The following SLC4A4 variants were observed in gnomAD, a reference collection of about 807,000 sequenced individuals.
SLC4A4 encodes electrogenic sodium bicarbonate cotransporter 1.
A neutral mutation model predicts 111.5 loss-of-function variants in SLC4A4; 27 were observed. The observed-to-expected ratio is 0.24, with a 90% CI of 0.18 to 0.33. The LOEUF (loss-of-function observed/expected upper bound fraction) is 0.33, where lower values mean the gene tolerates loss of function less well. Ranked by LOEUF, SLC4A4 falls within the 10% of genes least tolerant of loss-of-function variation. The pLI is 1.00. For missense variants in SLC4A4, 909 were observed against 1,315.5 expected, an observed-to-expected ratio of 0.69 and a Z score of 4.78; for synonymous variants, 443 against 463.4, an observed-to-expected ratio of 0.96 and a Z score of 0.57.
chr4:71,207,030 A>T (rs1167727076), intron 1 of SLC4A4, among the ~76,000 whole-genome samples: 1 of 152,126 alleles, frequency 6.6e-6, no homozygotes, highest in African/African-American at 2.4e-5. Flanking sequence ...AATAAGCATA[A>T]TGGTACTAGT....
chr4:71,333,124 T>G (rs769464570), intron 3 of SLC4A4, among the ~76,000 whole-genome samples: 1 of 152,252 alleles, frequency 6.6e-6, no homozygotes, highest in Non-Finnish European at 1.5e-5. Context: ...TTTATTGTAG[T>G]CTTTACAGTC....
intron 14 of SLC4A4, among the ~76,000 whole-genome samples, chr4:71,474,409 A>G (rs879428953): frequency 1.3e-5 from 2 of 151,946 alleles, no homozygotes; most frequent in Non-Finnish European, 2.9e-5. Flanking sequence ...TATAGACTAG[A>G]ATGCAGAATG....
At chr4:71,108,643 G>A (rs1425868097) in intron 2 of SLC4A4, among the ~76,000 whole-genome samples, 1 of 152,150 alleles carries the variant, frequency 6.6e-6, no homozygotes, top group Non-Finnish European at 1.5e-5. Context: ...CCTAGTTGGA[G>A]TTTGTTGAGC....
chr4:71,546,261 C>T, intron 18 of SLC4A4, 89 bp from the exon 19 acceptor site: 1 of 1,168,218 alleles, frequency 8.6e-7, no homozygotes, highest in Non-Finnish European at 1.3e-6. Flanking sequence ...AGTCAGTTTC[C>T]TTTGGTCATC....
At chr4:71,113,101 A>C (rs1423643944) in intron 2 of SLC4A4, among the ~76,000 whole-genome samples, 1 of 152,198 alleles carries the variant, frequency 6.6e-6, no homozygotes, top group Admixed American at 6.5e-5. Flanking sequence ...CAATGTGTAC[A>C]TTTTGAGCTT....
intron 3 of SLC4A4, among the ~76,000 whole-genome samples, chr4:71,257,248 A>G (rs1290347429): frequency 6.6e-6 from 1 of 152,196 alleles, no homozygotes; most frequent in Non-Finnish European, 1.5e-5. Context: ...ATTATGTTGT[A>G]TACTGGTTTT....
chr4:71,516,171 C>T (rs1220383803), intron 16 of SLC4A4, among the ~76,000 whole-genome samples: 2 of 128,228 alleles, frequency 1.6e-5, no homozygotes, highest in East Asian at 5.1e-4. Flanking sequence ...TCTTGGCTCA[C>T]TGCAAGCTCT....
chr4:71,553,877 A>T (rs1393296228), intron 20 of SLC4A4, among the ~76,000 whole-genome samples: 1 of 151,810 alleles, frequency 6.6e-6, no homozygotes, highest in Non-Finnish European at 1.5e-5. Context: ...TCAACATTCT[A>T]TGTCACTTTT....
chr4:71,160,239 C>T (rs529302971), intron 2 of SLC4A4, among the ~76,000 whole-genome samples: 1 of 152,260 alleles, frequency 6.6e-6, no homozygotes, highest in Admixed American at 6.5e-5. Context: ...TGACCCAATA[C>T]TCTCTCTTCC....
intron 4 of SLC4A4, among the ~76,000 whole-genome samples, chr4:71,345,203 T>A (rs1190190894): frequency 6.6e-6 from 1 of 152,126 alleles, no homozygotes; most frequent in Non-Finnish European, 1.5e-5. Context: ...CCATTAAGAA[T>A]GTCTAGGTGA....
rs1250284297 is a variant in SLC4A4, at chr4:71,397,564, T to C, written c.731-13T>C. The C allele has an allele frequency of 1.9e-6, 3 of 1,611,578 alleles. No homozygotes were observed. In the South Asian group the frequency reaches 3.3e-5, roughly 18 times the overall value. On this transcript the variant is annotated splice_polypyrimidine_tract_variant and intron_variant, in intron 6 of 25. Coordinates refer to ENST00000264485, the MANE Select transcript of SLC4A4 (RefSeq NM_001098484.3). ...AAGAAGTCTTTAATTAGAGTTTACTTGTGTTTTTCCAGGTAGCCCAGCCAT... is the reference window on the plus strand; with the variant it reads ...AAGAAGTCTTTAATTAGAGTTTACTCGTGTTTTTCCAGGTAGCCCAGCCAT...
rs1041012488 is a variant in SLC4A4, at chr4:71,384,271, C to T, written c.731-13306C>T. ...CAAGTGCACAATGGGACAGGTTGTA[C>T]CCTACCTCTCTTCTTTCTCAGACTT... is the stretch of plus-strand genomic sequence containing the variant. On this transcript the variant is annotated intron_variant, in intron 6 of 25. Coordinates refer to ENST00000264485, the MANE Select transcript of SLC4A4 (RefSeq NM_001098484.3). Among the ~76,000 whole-genome samples the T allele has an allele frequency of 2.6e-5, 4 of 152,266 alleles. No homozygotes were observed. In the East Asian group the frequency reaches 7.7e-4, roughly 29 times the overall value.
intron 1 of SLC4A4, among the ~76,000 whole-genome samples, chr4:71,214,564 G>C (rs1243916979): frequency 3.9e-5 from 6 of 152,034 alleles, no homozygotes; most frequent in Non-Finnish European, 8.8e-5. Context: ...TTACTCTTGC[G>C]GGCTTTTGAT....
chr4:71,249,307 C>A (rs575303339), intron 2 of SLC4A4, among the ~76,000 whole-genome samples: 1 of 152,126 alleles, frequency 6.6e-6, no homozygotes, highest in East Asian at 1.9e-4. Flanking sequence ...ATATGTAATA[C>A]GTAATTATCT....
chr4:71,427,738 A>G (rs1043369442), intron 7 of SLC4A4, among the ~76,000 whole-genome samples: 2 of 152,134 alleles, frequency 1.3e-5, no homozygotes, highest in Non-Finnish European at 2.9e-5. Context: ...TCACCTTAAT[A>G]TTCAGCCTGG....
intron 2 of SLC4A4, among the ~76,000 whole-genome samples, chr4:71,097,522 T>C (rs1378982953): frequency 2.0e-5 from 3 of 152,216 alleles, no homozygotes; most frequent in Non-Finnish European, 4.4e-5. Flanking sequence ...TAATTTATAT[T>C]TCTCTGGGTA....
chr4:71,420,969 C>A (rs369626594), intron 7 of SLC4A4, among the ~76,000 whole-genome samples: 18,911 of 134,176 alleles, frequency 0.14, 1,405 homozygotes, highest in South Asian at 0.31. Context: ...TGACAGGATC[C>A]AATTCACACA....
chr4:71,534,362 G>A lies in SLC4A4; in HGVS notation c.2416G>A (p.Val806Ile), dbSNP rs1406439034. Residue 806 changes from valine (V) to isoleucine (I), a missense_variant, in exon 18 of 26, where the codon GTA becomes ATA. Val to Ile is a conservative substitution (Grantham distance 29, BLOSUM62 3). Transcript: ENST00000264485. ...GGACCAACAAATTACAGCTGTGATT[G>A]TAAACAGGAAAGAACATAAACTCAA... ...FMDQQITAVI[V>I]NRKEHKLKKG... is the part of the protein sequence containing the mutation. 1.3e-5 allele frequency: 21 copies of A among 1,613,396 alleles called. No homozygotes were observed. The highest frequency in any genetic ancestry group is 1.8e-5 in the Non-Finnish European group (21 of 1,179,646).
rs1477411638 is a variant in SLC4A4, at chr4:71,447,790, G to T, written c.1053+57G>T. The stretch of plus-strand genomic sequence containing the variant: ...TGTCCTACTTGTTTGTTGTCATACT[G>T]TGAATTGGCTGTCACAATTTATTCA... On this transcript the variant is annotated intron_variant, in intron 9 of 25. Transcript: ENST00000264485. The T allele has an allele frequency of 7.4e-6, 8 of 1,082,570 alleles. No homozygotes were observed. In the Admixed American group the frequency reaches 1.4e-4, roughly 19 times the overall value. 67.1% of individuals were successfully genotyped at this position (1,082,570 alleles called of 1,614,324 possible). A position where few individuals can be genotyped will look rare whatever the true frequency, so the allele number is the denominator to read the frequency against.
Sources: allele counts gnomAD v4.1 joint callset (sites outside exome capture counted in the v4.1 genomes callset), GRCh38; gene constraint gnomAD v4.1.1; transcripts MANE v1.5; gene names NCBI Gene and HGNC (gene_info 2026-07-23, HGNC 2026-07-21).